The following STK32A variants were observed in gnomAD, a reference collection of about 807,000 sequenced individuals.
STK32A encodes serine/threonine kinase 32A.
A neutral mutation model predicts 53.2 loss-of-function variants in STK32A; 41 were observed. The observed-to-expected ratio is 0.77, with a 90% CI of 0.60 to 1.00. The LOEUF is 1.00. Among genes scored for constraint, STK32A ranks in the 50% least tolerant of loss-of-function variants. STK32A has a pLI of 0.00. For synonymous variants in STK32A, 166 were observed against 162.8 expected, an observed-to-expected ratio of 1.02 and a Z score of -0.15; for missense variants, 458 against 485.8, an observed-to-expected ratio of 0.94 and a Z score of 0.54.
At chr5:147,262,240 G>C (rs1248165042) in intron 2 of STK32A, among the ~76,000 whole-genome samples, 1 of 152,142 alleles carries the variant, frequency 6.6e-6, no homozygotes, top group Non-Finnish European at 1.5e-5. Flanking sequence ...AGCTCAAGGA[G>C]AGTGAGCTTT....
chr5:147,260,254 CCTCTCTCTCCCTCTCCCCTCTCTGT>C (rs1754487371), intron 2 of STK32A, among the ~76,000 whole-genome samples: 1 of 129,826 alleles, frequency 7.7e-6, no homozygotes, highest in Non-Finnish European at 1.6e-5. Context: ...CTCTCTCTCT[CCTCTCTCTCCCTCTCCCCTCTCTGT>C]CTCTCTCTCT....
At chr5:147,285,225 G>T (rs1752271472) in intron 4 of STK32A, among the ~76,000 whole-genome samples, 1 of 152,230 alleles carries the variant, frequency 6.6e-6, no homozygotes, top group East Asian at 1.9e-4. Flanking sequence ...TTCAACAAAT[G>T]GTGCTGGGAT....
the STK32A span, chr5:147,401,413 C>T: frequency 8.9e-7 from 1 of 1,120,922 alleles, no homozygotes; most frequent in South Asian, 1.7e-5. Flanking sequence ...AAAAGAATTC[C>T]CAATACACTG....
chr5:147,397,165 T>A, the STK32A span, among the ~76,000 whole-genome samples: 13 of 117,306 alleles, frequency 1.1e-4, no homozygotes, highest in African/African-American at 4.7e-4. Flanking sequence ...CATGTATGTA[T>A]CTATAGACCT....
chr5:147,237,487 C>T (rs1038282809), intron 1 of STK32A, among the ~76,000 whole-genome samples: 2 of 152,048 alleles, frequency 1.3e-5, no homozygotes, highest in African/African-American at 4.8e-5. Flanking sequence ...AAAGTGCATC[C>T]CACTTACTTC....
intron 7 of STK32A, among the ~76,000 whole-genome samples, chr5:147,360,245 T>C (rs1756435833): frequency 1.3e-5 from 2 of 149,796 alleles, no homozygotes; most frequent in Admixed American, 1.3e-4. Context: ...AGCCCAGGAG[T>C]TCAAGACCAG....
At position 147,369,568 on chromosome 5, in the gene STK32A, AG is replaced by A. The variant is rs1756917305; in HGVS notation, c.661-1085del. On this transcript the variant is annotated intron_variant, in intron 8 of 12. Coordinates refer to ENST00000397936, the MANE Select transcript of STK32A (RefSeq NM_001112724.2). Reference sequence around the variant, plus strand: ...AGTAACAAGCTCAGAAATTGAGTGGAGAAGTTTAGCACCAAATCCTTTTAAC... The same window carrying A: ...AGTAACAAGCTCAGAAATTGAGTGGAAAGTTTAGCACCAAATCCTTTTAAC... Among the ~76,000 whole-genome samples, 3 of 152,342 alleles carry A rather than the reference AG, an allele frequency of 2.0e-5. No homozygotes were observed. In the South Asian group the frequency reaches 6.2e-4, roughly 32 times the overall value.
intron 4 of STK32A, among the ~76,000 whole-genome samples, chr5:147,319,479 C>T (rs1297043109): frequency 6.6e-6 from 1 of 151,940 alleles, no homozygotes. Flanking sequence ...TTGAAATCTG[C>T]CTTTGGAAAC....
intron 5 of STK32A, among the ~76,000 whole-genome samples, chr5:147,341,443 C>T (rs1755403512): frequency 6.6e-6 from 1 of 152,070 alleles, no homozygotes; most frequent in African/African-American, 2.4e-5. Flanking sequence ...AGAAACCATC[C>T]CTGACATCAT....
intron 4 of STK32A, among the ~76,000 whole-genome samples, chr5:147,302,481 C>T (rs1309093054): frequency 6.6e-6 from 1 of 152,258 alleles, no homozygotes; most frequent in East Asian, 1.9e-4. Context: ...AGGTTTAATG[C>T]ATAGTTACAA....
intron 7 of STK32A, among the ~76,000 whole-genome samples, chr5:147,352,958 ACAC>A (rs1255067586): frequency 2.0e-5 from 3 of 152,204 alleles, no homozygotes; most frequent in African/African-American, 7.2e-5. Context: ...CTTCCTGAAA[ACAC>A]CACAAGTCCC....
chr5:147,400,668 C>A, the STK32A span: 61 of 1,610,018 alleles, frequency 3.8e-5, no homozygotes, highest in African/African-American at 7.2e-4. Context: ...CTCTGGCCAC[C>A]CTCCCATGAC....
the STK32A span, chr5:147,395,731 G>A: frequency 1.2e-6 from 2 of 1,613,428 alleles, no homozygotes; most frequent in Non-Finnish European, 1.7e-6. Flanking sequence ...TCTGCAGCCA[G>A]AGAAGAGCAT....
Position 147,279,392 on chromosome 5 carries a change from A to G in STK32A, c.254A>G (p.Asn85Ser). ...MQGLEHPFLV[N>S]LWYSFQDEED... ...GGTCTGGAGCACCCTTTCCTGGTTA[A>G]TTTGTGGTGAGTAATTTTACTGGAC... is the stretch of plus-strand genomic sequence containing the variant. The change falls in exon 4 of 13, where the codon AAT becomes AGT. Residue 85 changes from asparagine to serine, a missense_variant. Asn to Ser is a conservative substitution (Grantham distance 46, BLOSUM62 1). Transcript: ENST00000397936. 1.3e-6 allele frequency: 2 copies of G among 1,579,238 alleles called. No individual in the cohort carries two copies. The highest frequency in any genetic ancestry group is 1.7e-6 in the Non-Finnish European group (2 of 1,161,860).
Position 147,279,261 on chromosome 5 carries a change from G to A in STK32A, c.123G>A (p.Gln41=), listed in dbSNP as rs370230926. 75 of 1,613,536 alleles carry A rather than the reference G, an allele frequency of 4.6e-5. No homozygotes were observed. The highest frequency in any genetic ancestry group is 5.8e-5 in the Non-Finnish European group (69 of 1,179,782). Residue 41 remains glutamine, a synonymous_variant, in exon 4 of 13, where the codon CAG becomes CAA. Transcript: ENST00000397936. ...TTCACCATTAGGTCTGCATTGTACA[G>A]AAGAATGATACCAAGAAGATGTACG... is the stretch of plus-strand genomic sequence containing the variant. ...KGSFGKVCIV[Q]KNDTKKMYAM... is the part of the protein sequence containing the mutation.
intron 4 of STK32A, among the ~76,000 whole-genome samples, chr5:147,299,702 C>T (rs1222941280): frequency 6.6e-6 from 1 of 152,104 alleles, no homozygotes; most frequent in African/African-American, 2.4e-5. Flanking sequence ...ATTCAAGTTG[C>T]CCTGAATATA....
In STK32A at chr5:147,306,676, A is replaced by G. The variant is rs115518034; in HGVS notation, c.261-17222A>G. ...ACTGGAATGTCATTTGCTTGCTTACATATAAAGGTATAATAAATTTTAAAT... is the reference window on the plus strand; with the variant it reads ...ACTGGAATGTCATTTGCTTGCTTACGTATAAAGGTATAATAAATTTTAAAT... On this transcript the variant is annotated intron_variant, in intron 4 of 12. Coordinates refer to ENST00000397936, the MANE Select transcript of STK32A (RefSeq NM_001112724.2). 3.2e-3 allele frequency among the ~76,000 whole-genome samples: 485 copies of G among 152,180 alleles called. 2 individuals carry two copies. Among genetic ancestry groups the G allele is most frequent in the African/African-American group, 0.01 (431 of 41,558 alleles).
At chr5:147,282,514 T>C (rs76998776) in intron 4 of STK32A, among the ~76,000 whole-genome samples, 1 of 152,130 alleles carries the variant, frequency 6.6e-6, no homozygotes, top group Non-Finnish European at 1.5e-5. Context: ...GGATAAGAAC[T>C]CACCAACCTA....
At chr5:147,286,849 G>A (rs1417262585) in intron 4 of STK32A, among the ~76,000 whole-genome samples, 2 of 152,074 alleles carry the variant, frequency 1.3e-5, no homozygotes, top group African/African-American at 2.4e-5. Context: ...TATGCTGACT[G>A]GGAAGGAGTT....
Sources: gnomAD v4.1 joint callset for allele counts (sites outside exome capture counted in the v4.1 genomes callset) on GRCh38, gnomAD v4.1.1 for gene constraint, MANE v1.5 for transcripts, NCBI Gene and HGNC (gene_info 2026-07-23, HGNC 2026-07-21) for gene names.